Variants in CNTNAP5 observed in about 807,000 individuals in gnomAD.
CNTNAP5 encodes the protein contactin associated protein family member 5, also known as contactin-associated protein-like 5.
In CNTNAP5, 72 loss-of-function variants were observed where a neutral mutation model predicts 150.2. The observed-to-expected ratio is 0.48, with a 90% CI of 0.40 to 0.58. CNTNAP5 has a LOEUF of 0.58. CNTNAP5 is among the 20% of genes least tolerant of loss of function. The pLI is 0.00. For synonymous variants in CNTNAP5, 672 were observed against 619.8 expected (o/e 1.08, Z -1.25); for missense variants, 1,636 against 1,626.2 (o/e 1.01, Z -0.10).
chr2:124,088,913 T>C (rs1457872251), intron 1 of CNTNAP5, among the ~76,000 whole-genome samples: 1 of 152,228 alleles, frequency 6.6e-6, no homozygotes, highest in African/African-American at 2.4e-5. Flanking sequence ...CACAATATTT[T>C]CTGGGTGTTT....
intron 3 of CNTNAP5, among the ~76,000 whole-genome samples, chr2:124,379,507 G>C (rs1423883184): frequency 6.6e-6 from 1 of 151,918 alleles, no homozygotes; most frequent in African/African-American, 2.4e-5. Flanking sequence ...TTTAAGTGCT[G>C]AGTGATATTC....
chr2:124,337,324 G>A (rs1371146020), intron 3 of CNTNAP5, among the ~76,000 whole-genome samples: 1 of 152,120 alleles, frequency 6.6e-6, no homozygotes, highest in East Asian at 1.9e-4. Flanking sequence ...TTTGTAGGTT[G>A]CCTGTTCACT....
chr2:124,189,501 G>A (rs1685411590), intron 1 of CNTNAP5, among the ~76,000 whole-genome samples: 2 of 152,068 alleles, frequency 1.3e-5, no homozygotes, highest in South Asian at 4.2e-4. Context: ...ACTTTGAATT[G>A]TGATTCTGAC....
At chr2:124,368,334 G>A (rs781284108) in intron 3 of CNTNAP5, among the ~76,000 whole-genome samples, 2 of 152,130 alleles carry the variant, frequency 1.3e-5, no homozygotes, top group Non-Finnish European at 2.9e-5. Context: ...CAAAACTTCT[G>A]TAATACGCAG....
rs2104863579 is a variant in CNTNAP5 at position 124,504,493 on chromosome 2, G to A, written c.1264G>A (p.Glu422Lys). Reference sequence around the variant, plus strand: ...CTCGGGAACCCTGCTGCTGAGCCTGGAGGGTGGAATCCTGAGACTCGTGAT... The same window carrying A: ...CTCGGGAACCCTGCTGCTGAGCCTGAAGGGTGGAATCCTGAGACTCGTGAT... ...EGSGTLLLSL[E>K]GGILRLVIQK... The change falls in exon 8 of 24, where the codon GAG (glutamate) becomes AAG (lysine). Residue 422 changes from glutamate to lysine, a missense_variant. Physicochemically the swap from Glu to Lys is moderately conservative, Grantham distance 56. Transcript: ENST00000682447. 9.3e-6 allele frequency: 15 copies of A among 1,613,768 alleles called. No individual in the cohort carries two copies. Among genetic ancestry groups the A allele is most frequent in the Non-Finnish European group, 1.3e-5 (15 of 1,179,782 alleles).
At chr2:124,153,317 T>C (rs1209813974) in intron 1 of CNTNAP5, among the ~76,000 whole-genome samples, 1 of 152,192 alleles carries the variant, frequency 6.6e-6, no homozygotes, top group African/African-American at 2.4e-5. Context: ...GTCTAGAGTG[T>C]GGCCCCTGGC....
chr2:124,371,248 A>G (rs936665781), intron 3 of CNTNAP5, among the ~76,000 whole-genome samples: 2 of 152,244 alleles, frequency 1.3e-5, no homozygotes, highest in East Asian at 1.9e-4. Flanking sequence ...TTAGCTTAAA[A>G]TATCGTGGGG....
Position 124,676,456 on chromosome 2 carries a change from G to A in CNTNAP5, c.2077+28498G>A, listed in dbSNP as rs566385657. 1.7e-4 allele frequency among the ~76,000 whole-genome samples: 26 copies of A among 152,248 alleles called. 1 individual carries two copies. In the South Asian group the frequency reaches 5.4e-3, roughly 32 times the overall value. On this transcript the variant is annotated intron_variant, in intron 13 of 23. Coordinates refer to ENST00000682447, the MANE Select transcript of CNTNAP5 (RefSeq NM_001367498.1). ...TTAGTCAACTTCTTATTCCCAATTG[G>A]CATCACTGCCTCAGGCAGATGTGAT...
intron 13 of CNTNAP5, among the ~76,000 whole-genome samples, chr2:124,700,707 A>G (rs1679502866): frequency 6.6e-6 from 1 of 151,988 alleles, no homozygotes; most frequent in Non-Finnish European, 1.5e-5. Context: ...TATGTAATCT[A>G]TATACTAGGC....
In CNTNAP5 at chr2:124,226,025, C is replaced by T. The variant is rs181805860; in HGVS notation, c.187+4216C>T. 1.7e-3 allele frequency among the ~76,000 whole-genome samples: 262 copies of T among 152,194 alleles called. 3 individuals are homozygous for T. Among genetic ancestry groups the T allele is most frequent in the Admixed American group, 6.7e-3 (103 of 15,272 alleles). On this transcript the variant is annotated intron_variant, in intron 2 of 23. Transcript: ENST00000682447. Reference sequence around the variant, plus strand: ...TTATCCCTTTATTGATCAAGAAACACTTAGGTCGCTTCCGTATCTTGGCTG... The same window carrying T: ...TTATCCCTTTATTGATCAAGAAACATTTAGGTCGCTTCCGTATCTTGGCTG...
chr2:124,889,592 C>G (rs1458398337), intron 21 of CNTNAP5, among the ~76,000 whole-genome samples: 1 of 151,910 alleles, frequency 6.6e-6, no homozygotes, highest in African/African-American at 2.4e-5. Flanking sequence ...AAATTTTATG[C>G]TTTTGATTTT....
chr2:124,788,134 C>T (rs1681638115), intron 17 of CNTNAP5, among the ~76,000 whole-genome samples: 1 of 152,206 alleles, frequency 6.6e-6, no homozygotes, highest in African/African-American at 2.4e-5. Context: ...ACCTCCACCT[C>T]CCCTGGGTTC....
chr2:124,572,296 C>T (rs1442507225), intron 11 of CNTNAP5, among the ~76,000 whole-genome samples: 1 of 151,316 alleles, frequency 6.6e-6, no homozygotes, highest in Non-Finnish European at 1.5e-5. Context: ...ACAGCAGATA[C>T]TGGGGTCTAC....
At chr2:124,482,196 GA>G (rs1444227180) in intron 7 of CNTNAP5, among the ~76,000 whole-genome samples, 1 of 152,196 alleles carries the variant, frequency 6.6e-6, no homozygotes, top group Non-Finnish European at 1.5e-5. Flanking sequence ...GTATTTCAGA[GA>G]GCTTATAGAC....
intron 1 of CNTNAP5, among the ~76,000 whole-genome samples, chr2:124,130,415 C>T (rs1040400035): frequency 6.6e-6 from 1 of 151,926 alleles, no homozygotes; most frequent in Middle Eastern, 3.2e-3. Flanking sequence ...TGTATACCTG[C>T]CCCCTCCTCC....
At chr2:124,537,996 A>G (rs1695279743) in intron 10 of CNTNAP5, among the ~76,000 whole-genome samples, 1 of 152,168 alleles carries the variant, frequency 6.6e-6, no homozygotes, top group Non-Finnish European at 1.5e-5. Context: ...AATCTGACAT[A>G]TTGATGCTGA....
At position 124,846,421 on chromosome 2, in the gene CNTNAP5, T is replaced by A. The variant is rs571153665; in HGVS notation, c.3218-18885T>A. Among the ~76,000 whole-genome samples, 138 of 152,248 alleles carry A rather than the reference T, an allele frequency of 9.1e-4. 1 individual carries two copies. The highest frequency in any genetic ancestry group is 3.0e-3 in the African/African-American group (124 of 41,556). On this transcript the variant is annotated intron_variant, in intron 19 of 23. Transcript: ENST00000682447. ...AAGTGTGTCCTTCATTTCCAGGAGT[T>A]GTAATTGTTTTTATTTTACTGTCTA...
intron 19 of CNTNAP5, among the ~76,000 whole-genome samples, chr2:124,823,694 G>C (rs911552447): frequency 6.6e-6 from 1 of 152,130 alleles, no homozygotes; most frequent in Admixed American, 6.6e-5. Flanking sequence ...GGTGACCTTA[G>C]AGAAGTCCCT....
At chr2:124,298,601 T>C (rs1688498244) in intron 3 of CNTNAP5, among the ~76,000 whole-genome samples, 1 of 152,280 alleles carries the variant, frequency 6.6e-6, no homozygotes, top group South Asian at 2.1e-4. Context: ...GCTGGGGTGA[T>C]TGACCTTATC....
Sources: gnomAD v4.1 joint callset for allele counts (sites outside exome capture counted in the v4.1 genomes callset) on GRCh38, gnomAD v4.1.1 for gene constraint, MANE v1.5 for transcripts, NCBI Gene and HGNC (gene_info 2026-07-23, HGNC 2026-07-21) for gene names.